Variants in MPPED2 observed in about 807,000 individuals in gnomAD.
MPPED2 encodes metallophosphoesterase domain containing 2.
MPPED2 carries 5 observed loss-of-function variants against 33.0 expected under a neutral mutation model. The observed-to-expected ratio is 0.15, with a 90% CI of 0.08 to 0.32. MPPED2 has a LOEUF of 0.32. Ranked by LOEUF, MPPED2 falls within the 10% of genes least tolerant of loss-of-function variation. MPPED2 has a pLI of 1.00. For synonymous variants in MPPED2, 136 were observed against 141.9 expected (o/e 0.96, Z 0.29); for missense variants, 275 against 372.1 (o/e 0.74, Z 2.15).
At position 30,559,037 on chromosome 11, in the gene MPPED2, G is replaced by T. The variant is rs191497624; in HGVS notation, c.128+21209C>A. Among the ~76,000 whole-genome samples the T allele has an allele frequency of 3.3e-5, 5 of 152,166 alleles. No homozygotes were observed. The East Asian group carries it at 9.7e-4, about 29-fold the overall frequency. Reference sequence around the variant, plus strand: ...AAGATATCTTTAAAGCTAGACCAAAGAAAAAGTTGTTTTAACTCCAGAAGG... The same window carrying T: ...AAGATATCTTTAAAGCTAGACCAAATAAAAAGTTGTTTTAACTCCAGAAGG... On this transcript the variant is annotated intron_variant, in intron 2 of 6. Coordinates refer to ENST00000358117, the MANE Select transcript of MPPED2 (RefSeq NM_001584.3).
intron 1 of MPPED2, among the ~76,000 whole-genome samples, chr11:30,580,713 A>G (rs1372929279): frequency 2.0e-5 from 3 of 152,206 alleles, no homozygotes; most frequent in Admixed American, 2.0e-4. Flanking sequence ...AATCTTCTCA[A>G]TGGAGTTCAA....
intron 6 of MPPED2, chr11:30,389,005 C>T: frequency 6.6e-7 from 1 of 1,512,890 alleles, no homozygotes; most frequent in Non-Finnish European, 8.8e-7. Flanking sequence ...GAGAGATGAA[C>T]ATGACCTAAA....
At chr11:30,550,347 C>G (rs1461020950) in intron 2 of MPPED2, among the ~76,000 whole-genome samples, 1 of 152,176 alleles carries the variant, frequency 6.6e-6, no homozygotes, top group Non-Finnish European at 1.5e-5. Flanking sequence ...GAACCCATTT[C>G]AATGACTGCA....
intron 3 of MPPED2, among the ~76,000 whole-genome samples, chr11:30,500,370 C>T (rs1952500203): frequency 6.6e-6 from 1 of 152,192 alleles, no homozygotes. Flanking sequence ...TGACACTCTC[C>T]TTATTCATCT....
chr11:30,481,032 GA>G (rs1951462233), intron 4 of MPPED2, among the ~76,000 whole-genome samples: 1 of 152,020 alleles, frequency 6.6e-6, no homozygotes, highest in African/African-American at 2.4e-5. Context: ...GGGTGGAAAG[GA>G]AAAAGTGAGG....
intron 6 of MPPED2, among the ~76,000 whole-genome samples, chr11:30,414,010 C>T (rs968388959): frequency 6.6e-6 from 1 of 152,136 alleles, no homozygotes; most frequent in Non-Finnish European, 1.5e-5. Flanking sequence ...AGTTAGTAGA[C>T]CAGACGTGCT....
chr11:30,388,379 G>C (rs954782717), exon 7 of MPPED2: 2 of 152,756 alleles, frequency 1.3e-5, no homozygotes, highest in Non-Finnish European at 2.9e-5. Context: ...CAGTTAAGGG[G>C]GCCAGCCGCT....
intron 4 of MPPED2, among the ~76,000 whole-genome samples, chr11:30,454,988 A>G (rs980093798): frequency 1.3e-5 from 2 of 152,218 alleles, no homozygotes; most frequent in Admixed American, 1.3e-4. Context: ...TACTCAACAC[A>G]TTTAGATCCT....
chr11:30,545,638 A>T (rs2134575652), intron 2 of MPPED2, among the ~76,000 whole-genome samples: 1 of 152,256 alleles, frequency 6.6e-6, no homozygotes, highest in East Asian at 1.9e-4. Flanking sequence ...TTTGACCCTT[A>T]CAGCGATAGG....
At chr11:30,461,548 G>GACTC (rs1318425083) in intron 4 of MPPED2, among the ~76,000 whole-genome samples, 1 of 152,076 alleles carries the variant, frequency 6.6e-6, no homozygotes, top group African/African-American at 2.4e-5. Context: ...TAGCTGCTGT[G>GACTC]ACTCAAACTA....
intron 2 of MPPED2, among the ~76,000 whole-genome samples, chr11:30,539,765 C>T (rs567390420): frequency 6.6e-6 from 1 of 152,196 alleles, no homozygotes; most frequent in Non-Finnish European, 1.5e-5. Context: ...GGGTTATGGG[C>T]ACAGGCAACC....
At chr11:30,454,716 A>C (rs756398016) in intron 4 of MPPED2, among the ~76,000 whole-genome samples, 8 of 152,194 alleles carry the variant, frequency 5.3e-5, no homozygotes, top group South Asian at 4.1e-4. Flanking sequence ...TCACCCTTCT[A>C]GAGCTGAAAT....
intron 4 of MPPED2, among the ~76,000 whole-genome samples, chr11:30,458,162 G>T (rs1950360760): frequency 6.6e-6 from 1 of 152,160 alleles, no homozygotes; most frequent in Non-Finnish European, 1.5e-5. Flanking sequence ...TGATCTCAAA[G>T]GGCCTTTCTA....
At chr11:30,473,969 G>A (rs139195540) in intron 4 of MPPED2, among the ~76,000 whole-genome samples, 84 of 152,334 alleles carry the variant, frequency 5.5e-4, no homozygotes, top group Middle Eastern at 3.4e-3. Context: ...TATTCTGGAC[G>A]ACATCTTCAT....
intron 2 of MPPED2, among the ~76,000 whole-genome samples, chr11:30,562,416 T>G (rs1346060120): frequency 6.6e-6 from 1 of 152,210 alleles, no homozygotes; most frequent in Non-Finnish European, 1.5e-5. Flanking sequence ...TATTTTAAAC[T>G]GCTTTCCATC....
At chr11:30,460,564 A>G (rs1950479953) in intron 4 of MPPED2, among the ~76,000 whole-genome samples, 1 of 152,218 alleles carries the variant, frequency 6.6e-6, no homozygotes, top group African/African-American at 2.4e-5. Flanking sequence ...TCCAGGCTGC[A>G]GTGAACTATG....
intron 3 of MPPED2, among the ~76,000 whole-genome samples, chr11:30,499,540 C>G (rs543906862): frequency 6.6e-6 from 1 of 152,134 alleles, no homozygotes; most frequent in South Asian, 2.1e-4. Flanking sequence ...CCATAAGCAC[C>G]TTCCTTTTCC....
At chr11:30,386,674 C>G in exon 7 of MPPED2, 1 of 398,406 alleles carries the variant, frequency 2.5e-6, no homozygotes, top group Non-Finnish European at 4.4e-6. Context: ...AATGAATGAA[C>G]AGAACTCAAA....
chr11:30,493,303 G>A (rs1244001687), intron 4 of MPPED2, among the ~76,000 whole-genome samples: 6 of 151,198 alleles, frequency 4.0e-5, no homozygotes, highest in African/African-American at 1.2e-4. Flanking sequence ...CCCGGAAGGC[G>A]GAGCTTGCAG....
Sources: gnomAD v4.1 joint callset for allele counts (sites outside exome capture counted in the v4.1 genomes callset) on GRCh38, gnomAD v4.1.1 for gene constraint, MANE v1.5 for transcripts, NCBI Gene and HGNC (gene_info 2026-07-23, HGNC 2026-07-21) for gene names.